The following TNPO1 variants were observed in gnomAD, a reference collection of about 807,000 sequenced individuals.
TNPO1 encodes the protein transportin 1.
Under a neutral mutation model 119.5 loss-of-function variants are expected in TNPO1, and 8 were observed. The observed-to-expected ratio is 0.07, with a 90% CI of 0.04 to 0.12. The LOEUF is 0.12. TNPO1 is among the 10% of genes least tolerant of loss of function. The pLI, the probability that TNPO1 is intolerant of heterozygous loss-of-function variation, is 1.00. For missense variants in TNPO1, 576 were observed against 1,089.8 expected (o/e 0.53, Z 6.64); for synonymous variants, 362 against 363.0 (o/e 1.00, Z 0.03).
intron 14 of TNPO1, among the ~76,000 whole-genome samples, chr5:72,890,868 G>A (rs943661595): frequency 2.6e-5 from 4 of 151,832 alleles, no homozygotes; most frequent in Non-Finnish European, 2.9e-5. Context: ...GAATTTTTTT[G>A]TGTGTGACAA....
intron 4 of TNPO1, among the ~76,000 whole-genome samples, chr5:72,858,291 T>G (rs988842580): frequency 1.3e-5 from 2 of 152,208 alleles, no homozygotes; most frequent in African/African-American, 4.8e-5. Flanking sequence ...AATGGATACA[T>G]TTAGTTCATT....
chr5:72,853,085 C>CT (rs1214803916), intron 3 of TNPO1, among the ~76,000 whole-genome samples: 1 of 152,186 alleles, frequency 6.6e-6, no homozygotes, highest in African/African-American at 2.4e-5. Flanking sequence ...ATATTATACT[C>CT]TTGAGTACAG....
chr5:72,848,118 G>C lies in TNPO1; in HGVS notation c.16-267G>C. The C allele has an allele frequency of 3.5e-6, 4 of 1,139,422 alleles. No homozygotes were observed. In the South Asian group the frequency reaches 8.7e-5, roughly 25 times the overall value. The allele number at this position is 1,139,422 out of a possible 1,614,324, so 70.6% of individuals were successfully genotyped here. A position where few individuals can be genotyped will look rare whatever the true frequency, so the allele number is the denominator to read the frequency against. On this transcript the variant is annotated intron_variant, in intron 1 of 24. Coordinates refer to ENST00000337273, the MANE Select transcript of TNPO1 (RefSeq NM_002270.4). ...TCTTGGGGCCAGATTGCAAATTCGC[G>C]GTGACTCAGTCTGGTCGGCTCCTTG...
chr5:72,819,649 A>G (rs1743859340), intron 1 of TNPO1, among the ~76,000 whole-genome samples: 2 of 152,212 alleles, frequency 1.3e-5, no homozygotes, highest in Non-Finnish European at 2.9e-5. Flanking sequence ...AAAGCTGATA[A>G]CCGTGAGACC....
intron 9 of TNPO1, among the ~76,000 whole-genome samples, chr5:72,881,574 G>T (rs2112414724): frequency 6.6e-6 from 1 of 152,312 alleles, no homozygotes; most frequent in Middle Eastern, 3.4e-3. Flanking sequence ...ACCGCAAGTG[G>T]TCTCTTCACA....
chr5:72,905,058 C>A (rs746145610), intron 23 of TNPO1, among the ~76,000 whole-genome samples: 2 of 152,200 alleles, frequency 1.3e-5, no homozygotes, highest in Non-Finnish European at 2.9e-5. Flanking sequence ...ATTCAGTTAT[C>A]TCCCACTGGG....
chr5:72,876,063 T>C (rs1747743865), intron 8 of TNPO1, among the ~76,000 whole-genome samples: 1 of 152,218 alleles, frequency 6.6e-6, no homozygotes, highest in East Asian at 1.9e-4. Context: ...GCAACTCCTG[T>C]TCTAAAACTT....
chr5:72,875,834 AT>A, intron 8 of TNPO1, 97 bp downstream of exon 8: 2 of 1,350,864 alleles, frequency 1.5e-6, no homozygotes, highest in Non-Finnish European at 2.0e-6. Flanking sequence ...GGACTATAAA[AT>A]AGTTATAATT....
chr5:72,906,275 C>CTTTTTTTTTTT lies in TNPO1; in HGVS notation c.*35+858_*35+868dup, dbSNP rs869051297. The stretch of plus-strand genomic sequence containing the variant: ...CCATGTGCCCATCACTTTTTTTTTT[C>CTTTTTTTTTTT]TTTTTTTTTTTTTTTTTTTTTTTTT... On this transcript the variant is annotated intron_variant, in intron 24 of 24. Coordinates refer to ENST00000337273, the MANE Select transcript of TNPO1 (RefSeq NM_002270.4). Among the ~76,000 whole-genome samples the CTTTTTTTTTTT allele has an allele frequency of 1.2e-3, 63 of 54,690 alleles. 11 individuals are homozygous for CTTTTTTTTTTT. The highest frequency in any genetic ancestry group is 1.6e-3 in the African/African-American group (23 of 14,702). 35.9% of individuals were successfully genotyped at this position (54,690 alleles called of 152,430 possible). A position where few individuals can be genotyped will look rare whatever the true frequency, so the allele number is the denominator to read the frequency against.
rs568385385 is a variant in TNPO1 at position 72,832,108 on chromosome 5, G to A, written c.15+15356G>A. The stretch of plus-strand genomic sequence containing the variant: ...GGATTCTTAGGATATAGGCTCAGAA[G>A]TGTAATCATGAGGACAAAGTGTATG... On this transcript the variant is annotated intron_variant, in intron 1 of 24. Transcript: ENST00000337273. Among the ~76,000 whole-genome samples the A allele has an allele frequency of 5.3e-5, 8 of 152,136 alleles. No homozygotes were observed. The South Asian group carries it at 1.0e-3, about 20-fold the overall frequency.
In TNPO1 at chr5:72,816,761, C is replaced by T. The variant is rs1023196074; in HGVS notation, c.15+9C>T. The T allele has an allele frequency of 3.5e-5, 56 of 1,583,044 alleles. No homozygotes were observed. The highest frequency in any genetic ancestry group is 4.8e-5 in the Non-Finnish European group (56 of 1,166,812). ...GGATGGTGTGGGACCGGGTAGGTGG[C>T]GTGAGGGTGCGCGGCCCCGAACTGC... On this transcript the variant is annotated intron_variant, in intron 1 of 24. Coordinates refer to ENST00000337273, the MANE Select transcript of TNPO1 (RefSeq NM_002270.4).
intron 9 of TNPO1, among the ~76,000 whole-genome samples, chr5:72,880,250 G>A (rs1748134654): frequency 6.6e-6 from 1 of 152,032 alleles, no homozygotes; most frequent in African/African-American, 2.4e-5. Context: ...ATCATTCTGG[G>A]CTATATAGTC....
chr5:72,827,759 T>A (rs921998257), intron 1 of TNPO1, among the ~76,000 whole-genome samples: 1 of 150,376 alleles, frequency 6.6e-6, no homozygotes, highest in African/African-American at 2.5e-5. Flanking sequence ...ACAAAAAAAT[T>A]TTTTTTTTAA....
intron 3 of TNPO1, among the ~76,000 whole-genome samples, chr5:72,854,073 T>TAA (rs2112273016): frequency 6.6e-6 from 1 of 152,370 alleles, no homozygotes; most frequent in Non-Finnish European, 1.5e-5. Flanking sequence ...ATATTTCTCG[T>TAA]AAACAAAGTC....
At chr5:72,894,737 T>C (rs1449894719) in intron 18 of TNPO1, among the ~76,000 whole-genome samples, 1 of 152,234 alleles carries the variant, frequency 6.6e-6, no homozygotes, top group African/African-American at 2.4e-5. Context: ...TTTTGTCATC[T>C]GATATAATTG....
Position 72,855,884 on chromosome 5 carries a change from A to G in TNPO1, c.316A>G (p.Asn106Asp). 6.2e-7 allele frequency: 1 copy of G among 1,613,694 alleles called. No individual in the cohort carries two copies. The highest frequency in any genetic ancestry group is 8.5e-7 in the Non-Finnish European group (1 of 1,179,830). ...CTTTATTAAAAGTGAATGTTTAAATAATATTGGTGACTCCTCTCCTCTGAT... is the reference window on the plus strand; with the variant it reads ...CTTTATTAAAAGTGAATGTTTAAATGATATTGGTGACTCCTCTCCTCTGAT... ...TDFIKSECLN[N>D]IGDSSPLIRA... Residue 106 changes from asparagine (N) to aspartate (D), a missense_variant, in exon 4 of 25, where the codon AAT becomes GAT. Physicochemically the swap from Asn to Asp is conservative, Grantham distance 23. Transcript: ENST00000337273.
chr5:72,817,072 C>A lies in TNPO1; in HGVS notation c.15+320C>A, dbSNP rs1226747445. The A allele has an allele frequency of 1.0e-5, 4 of 391,288 alleles. No homozygotes were observed. The Admixed American group carries it at 1.4e-4, about 13-fold the overall frequency. 24.2% of individuals were successfully genotyped at this position (391,288 alleles called of 1,614,324 possible). ...TACATTCAGGGGAGCGTTTGCCTCG[C>A]CTGTTAAGCTGTGGCGTTTGAGGGC... is the stretch of plus-strand genomic sequence containing the variant. On this transcript the variant is annotated intron_variant, in intron 1 of 24. Coordinates refer to ENST00000337273, the MANE Select transcript of TNPO1 (RefSeq NM_002270.4).
In TNPO1 at chr5:72,857,456, G is replaced by A. The variant is rs149050369; in HGVS notation, c.355+1533G>A. Among the ~76,000 whole-genome samples, 225 of 152,236 alleles carry A rather than the reference G, an allele frequency of 1.5e-3. 4 individuals are homozygous for A. In the South Asian group the frequency reaches 0.03, roughly 20 times the overall value. On this transcript the variant is annotated intron_variant, in intron 4 of 24. Transcript: ENST00000337273. ...CATCATTGACACTGATTTTACATTT[G>A]ATGGGTAGAGGACATTTGTGGTTTG... is the stretch of plus-strand genomic sequence containing the variant.
At chr5:72,886,207 A>G (rs938225535) in intron 11 of TNPO1, among the ~76,000 whole-genome samples, 1 of 152,172 alleles carries the variant, frequency 6.6e-6, no homozygotes, top group African/African-American at 2.4e-5. Flanking sequence ...TATTATTATA[A>G]TAAAATCTGG....
Sources: gnomAD v4.1 joint callset for allele counts (sites outside exome capture counted in the v4.1 genomes callset) on GRCh38, gnomAD v4.1.1 for gene constraint, MANE v1.5 for transcripts, NCBI Gene and HGNC (gene_info 2026-07-23, HGNC 2026-07-21) for gene names.